HOXA3: variants seen among roughly 807,000 people sequenced by gnomAD.
HOXA3 encodes the protein homeobox protein Hox-A3.
Under a neutral mutation model 30.3 loss-of-function variants are expected in HOXA3, and 8 were observed. The observed-to-expected ratio is 0.26, with a 90% confidence interval of 0.15 to 0.48. The LOEUF (loss-of-function observed/expected upper bound fraction) is 0.48. Ranked by LOEUF, HOXA3 falls within the 20% of genes least tolerant of loss-of-function variation. The pLI is 0.99. For missense variants in HOXA3, 653 were observed against 614.4 expected (o/e 1.06, Z -0.66); for synonymous variants, 323 against 273.1 (o/e 1.18, Z -1.80).
chr7:27,147,115 C>T, intron 1 of HOXA3: 1 of 627,930 alleles, frequency 1.6e-6, no homozygotes, highest in Admixed American at 3.0e-5. Context: ...TGGGGCCTTG[C>T]CCTTCCTCTG....
At chr7:27,131,504 A>AT (rs1426303137) in intron 2 of HOXA3, among the ~76,000 whole-genome samples, 1 of 152,134 alleles carries the variant, frequency 6.6e-6, no homozygotes, top group Non-Finnish European at 1.5e-5. Flanking sequence ...GACACTTTTC[A>AT]TTTTTTCCTT....
intron 2 of HOXA3, chr7:27,129,855 T>C: frequency 1.7e-6 from 1 of 605,256 alleles, no homozygotes; most frequent in Non-Finnish European, 2.9e-6. Context: ...GGCAATTAAA[T>C]TTATGGGGGC....
At chr7:27,139,875 G>A (rs1261797160) in intron 2 of HOXA3, among the ~76,000 whole-genome samples, 1 of 152,180 alleles carries the variant, frequency 6.6e-6, no homozygotes, top group African/African-American at 2.4e-5. Flanking sequence ...GCCTGGGGAT[G>A]CGGCGCGGCC....
At chr7:27,132,161 T>C (rs1159273867) in intron 2 of HOXA3, among the ~76,000 whole-genome samples, 2 of 152,198 alleles carry the variant, frequency 1.3e-5, no homozygotes, top group African/African-American at 4.8e-5. Flanking sequence ...CAGTGTAAAC[T>C]AGCATAGTCA....
intron 2 of HOXA3, chr7:27,129,077 G>T: frequency 1.4e-6 from 1 of 708,470 alleles, no homozygotes; most frequent in Non-Finnish European, 2.5e-6. Flanking sequence ...ACCGGATAAT[G>T]TCTTCTTTTT....
chr7:27,135,714 T>C (rs1218360003), intron 2 of HOXA3, among the ~76,000 whole-genome samples: 1 of 152,206 alleles, frequency 6.6e-6, no homozygotes, highest in African/African-American at 2.4e-5. Flanking sequence ...TCCTGCACCA[T>C]TCTGTTGCCT....
At chr7:27,122,783 G>C (rs1785084108) in intron 3 of HOXA3, 141 bp from the exon 4 acceptor site, 1 of 152,200 alleles carries the variant, frequency 6.6e-6, no homozygotes, top group Non-Finnish European at 1.5e-5. Flanking sequence ...CAGGGCACTC[G>C]TCCGTGTGGC....
At chr7:27,143,202 G>A in intron 1 of HOXA3, 1 of 1,610,964 alleles carries the variant, frequency 6.2e-7, no homozygotes, top group Non-Finnish European at 8.5e-7. Flanking sequence ...CTGCTGATGT[G>A]GGTGCTGCCG....
At chr7:27,110,785 G>C in intron 4 of HOXA3, 25 bp from the exon 5 acceptor site, 2 of 1,250,322 alleles carry the variant, frequency 1.6e-6, no homozygotes, top group Non-Finnish European at 2.2e-6. Context: ...AGCGCAGCGC[G>C]GTGAGGGCTC....
Position 27,107,525 on chromosome 7 carries a change from TA to T in HOXA3, c.*389del, listed in dbSNP as rs938801173. The T allele has an allele frequency of 1.2e-5, 2 of 166,706 alleles. No individual in the cohort carries two copies. The highest frequency in any genetic ancestry group is 2.0e-4 in the South Asian group (1 of 4,970). The allele number at this position is 166,706 out of a possible 1,614,324, so 10.3% of individuals were successfully genotyped here. A position where few individuals can be genotyped will look rare whatever the true frequency, so the allele number is the denominator to read the frequency against. On this transcript the variant is annotated 3_prime_UTR_variant, in exon 6 of 6. Coordinates refer to ENST00000612286, the MANE Select transcript of HOXA3 (RefSeq NM_153631.3). ...TGCAATTAAAAAAAAAATTTAAAAT[TA>T]AAAAAAGTAATCGCTTCCCCTCGGG...
intron 1 of HOXA3, chr7:27,142,963 T>C (rs748579479): frequency 4.7e-6 from 6 of 1,273,820 alleles, no homozygotes; most frequent in Admixed American, 4.9e-5. Context: ...CAAGAGAGAC[T>C]GGGAGAGGGC....
intron 1 of HOXA3, among the ~76,000 whole-genome samples, chr7:27,145,187 T>C (rs1223543904): frequency 6.6e-6 from 1 of 152,158 alleles, no homozygotes; most frequent in African/African-American, 2.4e-5. Context: ...CCAGAGATGA[T>C]TTGATGATGC....
intron 1 of HOXA3, chr7:27,145,454 T>G: frequency 1.3e-5 from 1 of 79,084 alleles, no homozygotes; most frequent in Non-Finnish European, 2.2e-5. Flanking sequence ...GAGGTTTTGT[T>G]TTGTTTTGTT....
chr7:27,152,308 A>G lies in HOXA3; in HGVS notation c.-514T>C. On this transcript the variant is annotated 5_prime_UTR_variant, in exon 1 of 6. Transcript: ENST00000612286. ...CTCACCTTCAGACGGTGGCTCCCAGAAGCTCCTGCCCCTCTGACAGCTGTC... is the reference window on the plus strand; with the variant it reads ...CTCACCTTCAGACGGTGGCTCCCAGGAGCTCCTGCCCCTCTGACAGCTGTC... 2 of 1,277,290 alleles carry G rather than the reference A, an allele frequency of 1.6e-6. No individual in the cohort carries two copies. The highest frequency in any genetic ancestry group is 2.0e-6 in the Non-Finnish European group (2 of 982,584). 79.1% of individuals were successfully genotyped at this position (1,277,290 alleles called of 1,614,324 possible).
chr7:27,150,492 G>A (rs923626486), intron 1 of HOXA3: 1 of 152,638 alleles, frequency 6.6e-6, no homozygotes, highest in Middle Eastern at 3.4e-3. Context: ...AGAGCCCAAA[G>A]CACACAGGTG....
intron 3 of HOXA3, among the ~76,000 whole-genome samples, chr7:27,124,993 T>C (rs1785221314): frequency 6.6e-6 from 1 of 152,168 alleles, no homozygotes; most frequent in South Asian, 2.1e-4. Flanking sequence ...CTGAGCTCTA[T>C]GACTAGGGTG....
rs147820248 is a variant in HOXA3 at position 27,147,348 on chromosome 7, G to A, written c.-494+4940C>T. 1,363 of 1,614,110 alleles carry A rather than the reference G, an allele frequency of 8.4e-4. 18 individuals carry two copies. In the South Asian group the frequency reaches 0.012, roughly 14 times the overall value. ...TCCGCTGCATCCAAGGGTAAACCGGGCTCGTGTACTTCCGGTCGGCGCCTT... is the reference window on the plus strand; with the variant it reads ...TCCGCTGCATCCAAGGGTAAACCGGACTCGTGTACTTCCGGTCGGCGCCTT... On this transcript the variant is annotated intron_variant, in intron 1 of 5. Transcript: ENST00000612286.
At chr7:27,143,400 C>G (rs766695975) in intron 1 of HOXA3, 1 of 1,607,696 alleles carries the variant, frequency 6.2e-7, no homozygotes, top group Non-Finnish European at 8.5e-7. Context: ...TAGCTGCGGG[C>G]GCGCTCTCCG....
At chr7:27,141,343 C>T (rs1312866650) in intron 1 of HOXA3, 2 of 155,700 alleles carry the variant, frequency 1.3e-5, no homozygotes, top group Non-Finnish European at 2.9e-5. Flanking sequence ...CAAGTTGTGT[C>T]TCATCAAGTC....
Sources: gnomAD v4.1 joint callset for allele counts (sites outside exome capture counted in the v4.1 genomes callset) on GRCh38, gnomAD v4.1.1 for gene constraint, MANE v1.5 for transcripts, NCBI Gene and HGNC (gene_info 2026-07-23, HGNC 2026-07-21) for gene names.